PCDH1: variants seen among roughly 807,000 people sequenced by gnomAD.
PCDH1 encodes the protein protocadherin-1.
In PCDH1, 23 loss-of-function variants were observed where a neutral mutation model predicts 74.6. The ratio of observed to expected loss-of-function variants is 0.31; its 90% CI spans 0.22 to 0.44. The LOEUF is 0.44. Ranked by LOEUF, PCDH1 falls within the 20% of genes least tolerant of loss-of-function variation. The pLI, the probability that PCDH1 is intolerant of heterozygous loss-of-function variation, is 1.00. For missense variants in PCDH1, 1,214 were observed against 1,641.4 expected (o/e 0.74, Z 4.50); for synonymous variants, 647 against 686.1 (o/e 0.94, Z 0.89).
chr5:141,866,382 G>A (rs1311188871), intron 2 of PCDH1, among the ~76,000 whole-genome samples: 1 of 152,192 alleles, frequency 6.6e-6, no homozygotes, highest in Non-Finnish European at 1.5e-5. Context: ...ACCCTCCCAC[G>A]CCAACTCCAA....
At chr5:141,873,141 T>C (rs1204317821) in intron 1 of PCDH1, among the ~76,000 whole-genome samples, 1 of 152,132 alleles carries the variant, frequency 6.6e-6, no homozygotes, top group Non-Finnish European at 1.5e-5. Flanking sequence ...TCTTTTTTTT[T>C]TTTGAGACAG....
intron 1 of PCDH1, among the ~76,000 whole-genome samples, chr5:141,872,394 T>C (rs1348306523): frequency 1.3e-5 from 2 of 152,246 alleles, no homozygotes; most frequent in South Asian, 2.1e-4. Flanking sequence ...CAGTCACTGT[T>C]TGCCTCTGTT....
Position 141,863,191 on chromosome 5 carries a change from G to T in PCDH1, c.3099+41C>A. On this transcript the variant is annotated intron_variant, in intron 3 of 4. Transcript: ENST00000287008. The surrounding 1 kb of genome is among the most constrained non-coding windows in gnomAD (Gnocchi z 7.5). Reference sequence around the variant, plus strand: ...CCAGATGGCTCCGTGGTAGGGGTGGGGTAGGGGCTGGGGTGTGCTGAGCTG... The same window carrying T: ...CCAGATGGCTCCGTGGTAGGGGTGGTGTAGGGGCTGGGGTGTGCTGAGCTG... 6.6e-7 allele frequency: 1 copy of T among 1,525,316 alleles called. No homozygotes were observed. The highest frequency in any genetic ancestry group is 2.1e-5 in the Admixed American group (1 of 47,804). 94.5% of individuals were successfully genotyped at this position (1,525,316 alleles called of 1,614,324 possible).
At position 141,865,134 on chromosome 5, in the gene PCDH1, A is replaced by T; in HGVS notation, c.1197T>A (p.Asp399Glu). ...CATCCTCTGAGATGTTAGCCATCCC[A>T]TCTTGATGAGTCACTAGCCCTATGC... is the stretch of plus-strand genomic sequence containing the variant. Reference protein sequence around the residue: ...IRGIGLVTHQDGMANISEDVA... With the variant: ...IRGIGLVTHQEGMANISEDVA... The change falls in exon 3 of 5, where the codon GAT becomes GAA. Residue 399 changes from aspartate (D) to glutamate (E), a missense_variant. By Grantham distance (45) the Asp-to-Glu change is conservative. Coordinates refer to ENST00000287008, the MANE Select transcript of PCDH1 (RefSeq NM_032420.5). The surrounding 1 kb of genome is among the most constrained non-coding windows in gnomAD (Gnocchi z 4.4). 1 of 1,614,062 alleles carries T rather than the reference A, an allele frequency of 6.2e-7. No homozygotes were observed. The highest frequency in any genetic ancestry group is 1.7e-5 in the Admixed American group (1 of 60,002).
At chr5:141,859,358 T>G (rs1456002343) in intron 3 of PCDH1, among the ~76,000 whole-genome samples, 1 of 152,308 alleles carries the variant, frequency 6.6e-6, no homozygotes, top group East Asian at 1.9e-4. Flanking sequence ...TTCCATAAAA[T>G]GGAGGGTTGG....
At chr5:141,860,350 GA>G (rs1197852267) in intron 3 of PCDH1, among the ~76,000 whole-genome samples, 3 of 151,782 alleles carry the variant, frequency 2.0e-5, no homozygotes, top group Admixed American at 6.6e-5. Context: ...TGTCTCTACA[GA>G]AATTACAAAA....
chr5:141,864,569 C>T lies in PCDH1; in HGVS notation c.1762G>A (p.Gly588Ser). The change falls in exon 3 of 5, where the codon GGC becomes AGC. Residue 588 changes from glycine (G) to serine (S), a missense_variant. Transcript: ENST00000287008. The surrounding 1 kb of genome is among the most constrained non-coding windows in gnomAD (Gnocchi z 5.9). ...GCTGTGCCCTGGAGGCTAGGACTGC[C>T]CCGGTCAGCTGCCACCACCTTCAAC... ...YELKVVAADR[G>S]SPSLQGTATV... 6.2e-7 allele frequency: 1 copy of T among 1,613,946 alleles called. No individual in the cohort carries two copies. Among genetic ancestry groups the T allele is most frequent in the East Asian group, 2.2e-5 (1 of 44,874 alleles).
In PCDH1 at chr5:141,878,322, T is replaced by TTCGGGCTCCGGC. The variant is rs1554072868; in HGVS notation, c.-72_-61dup. 3.8e-5 allele frequency: 44 copies of TTCGGGCTCCGGC among 1,167,190 alleles called. No individual in the cohort carries two copies. In the East Asian group the frequency reaches 1.1e-3, roughly 30 times the overall value. The allele number at this position is 1,167,190 out of a possible 1,614,324, so 72.3% of individuals were successfully genotyped here. On this transcript the variant is annotated 5_prime_UTR_variant, in exon 1 of 5. Coordinates refer to ENST00000287008, the MANE Select transcript of PCDH1 (RefSeq NM_032420.5). This position sits in a 1 kb window ranked among gnomAD's most constrained non-coding sequence, Gnocchi z 5.5. ...CGCACGGCTGGGGCTGGAGCTGCAG[T>TTCGGGCTCCGGC]TCGGGCTCCGGCTCCGGCTCCGGCT... is the stretch of plus-strand genomic sequence containing the variant.
In PCDH1 at chr5:141,865,585, T is replaced by G. The variant is rs1230760377; in HGVS notation, c.904-158A>C. 6.6e-6 allele frequency among the ~76,000 whole-genome samples: 1 copy of G among 152,248 alleles called. No individual in the cohort carries two copies. The highest frequency in any genetic ancestry group is 2.4e-5 in the African/African-American group (1 of 41,464). Reference sequence around the variant, plus strand: ...TTCCAGAAGCCATGTGTGTCCTGCCTTTTCCCAATTCGGACATTCTGGCAG... The same window carrying G: ...TTCCAGAAGCCATGTGTGTCCTGCCGTTTCCCAATTCGGACATTCTGGCAG... On this transcript the variant is annotated intron_variant, in intron 2 of 4. Transcript: ENST00000287008. The surrounding 1 kb of genome is among the most constrained non-coding windows in gnomAD (Gnocchi z 4.4).
rs1487694671 is a variant in PCDH1 at position 141,865,179 on chromosome 5, G to T, written c.1152C>A (p.Ala384=). 1 of 1,614,002 alleles carries T rather than the reference G, an allele frequency of 6.2e-7. No homozygotes were observed. Among genetic ancestry groups the T allele is most frequent in the Non-Finnish European group, 8.5e-7 (1 of 1,180,026 alleles). ...VVTVKDMNDN[A]PTIEIRGIGL... ...CTATGCCCCGGATCTCAATGGTGGGGGCATTGTCATTCATGTCCTTCACGG... is the reference window on the plus strand; with the variant it reads ...CTATGCCCCGGATCTCAATGGTGGGTGCATTGTCATTCATGTCCTTCACGG... Residue 384 remains alanine, a synonymous_variant, in exon 3 of 5, where the codon GCC becomes GCA. Coordinates refer to ENST00000287008, the MANE Select transcript of PCDH1 (RefSeq NM_032420.5). The surrounding 1 kb of genome is among the most constrained non-coding windows in gnomAD (Gnocchi z 4.4).
At chr5:141,867,439 T>C in intron 2 of PCDH1, 1 of 367,064 alleles carries the variant, frequency 2.7e-6, no homozygotes, top group Non-Finnish European at 5.3e-6. Flanking sequence ...TGGGCCCGGT[T>C]TCTCATCTGC....
Position 141,868,629 on chromosome 5 carries a change from C to T in PCDH1, c.843G>A (p.Glu281=). ...ATAGTTCGGCCTCATAGGAGGGCCG[C>T]TCAAACTTGGGGGCGTTGTCATTGG... ...LDTNDNAPKF[E]RPSYEAELSE... is the part of the protein sequence containing the mutation. The change falls in exon 2 of 5, where the codon GAG becomes GAA. Residue 281 remains glutamate, a synonymous_variant. Transcript: ENST00000287008. The surrounding 1 kb of genome is among the most constrained non-coding windows in gnomAD (Gnocchi z 4.8). 6.3e-7 allele frequency: 1 copy of T among 1,597,090 alleles called. No individual in the cohort carries two copies. The highest frequency in any genetic ancestry group is 8.5e-7 in the Non-Finnish European group (1 of 1,170,670).
rs760678564 is a variant in PCDH1 at position 141,865,215 on chromosome 5, C to T, written c.1116G>A (p.Gln372=). 5.6e-6 allele frequency: 9 copies of T among 1,614,064 alleles called. No individual in the cohort carries two copies. Among genetic ancestry groups the T allele is most frequent in the Admixed American group, 1.7e-5 (1 of 59,998 alleles). Reference sequence around the variant, plus strand: ...TCATGTCCTTCACGGTCACAACCACCTGGGCACGGGCACTCTTGGGGTTGG... The same window carrying T: ...TCATGTCCTTCACGGTCACAACCACTTGGGCACGGGCACTCTTGGGGTTGG... ...RGTNPKSARA[Q]VVVTVKDMND... Residue 372 remains glutamine (Q), a synonymous_variant, in exon 3 of 5, where the codon CAG becomes CAA. Transcript: ENST00000287008. The surrounding 1 kb of genome is among the most constrained non-coding windows in gnomAD (Gnocchi z 4.4).
rs538122125 is a variant in PCDH1 at position 141,854,174 on chromosome 5, G to A, written c.3582C>T (p.Phe1194=). ...PVRLLPSYSA[F]SHSSHDSCKD... is the part of the protein sequence containing the mutation. ...TGCAGGAATCATGGCTACTGTGGGA[G>A]AAGGCACTGTAGGAGGGCAGGAGGC... The change falls in exon 5 of 5, where the codon TTC becomes TTT. Residue 1194 remains phenylalanine, a synonymous_variant. Transcript: ENST00000287008. 18 of 1,607,440 alleles carry A rather than the reference G, an allele frequency of 1.1e-5. No individual in the cohort carries two copies. In the South Asian group the frequency reaches 1.3e-4, roughly 12 times the overall value.
rs1318028619 is a variant in PCDH1 at position 141,869,092 on chromosome 5, A to T, written c.380T>A (p.Leu127His). Residue 127 changes from leucine to histidine, a missense_variant, in exon 2 of 5, where the codon CTC (leucine) becomes CAC (histidine). By Grantham distance (99) the Leu-to-His change is moderately conservative. Coordinates refer to ENST00000287008, the MANE Select transcript of PCDH1 (RefSeq NM_032420.5). The surrounding 1 kb of genome is among the most constrained non-coding windows in gnomAD (Gnocchi z 4.9). ...REGLRECQNQ[L>H]PGDPCILEFE... ...CTCCAGGATGCAGGGATCACCAGGGAGCTGGTTCTGGCATTCACGGAGCCC... is the reference window on the plus strand; with the variant it reads ...CTCCAGGATGCAGGGATCACCAGGGTGCTGGTTCTGGCATTCACGGAGCCC... 2.5e-6 allele frequency: 4 copies of T among 1,612,202 alleles called. No homozygotes were observed. The highest frequency in any genetic ancestry group is 3.4e-6 in the Non-Finnish European group (4 of 1,179,828).
chr5:141,856,932 C>T (rs938620461), intron 4 of PCDH1, among the ~76,000 whole-genome samples: 3 of 152,130 alleles, frequency 2.0e-5, no homozygotes, highest in Non-Finnish European at 4.4e-5. Flanking sequence ...AACATGGTGC[C>T]GAATGCAACA....
At chr5:141,870,360 G>A (rs1476532245) in intron 1 of PCDH1, among the ~76,000 whole-genome samples, 1 of 152,198 alleles carries the variant, frequency 6.6e-6, no homozygotes, top group African/African-American at 2.4e-5. Flanking sequence ...CCATGGGCAG[G>A]TGCGTACAAG....
At chr5:141,855,882 G>A (rs1596543857) in intron 4 of PCDH1, among the ~76,000 whole-genome samples, 1 of 152,072 alleles carries the variant, frequency 6.6e-6, no homozygotes, top group African/African-American at 2.4e-5. Flanking sequence ...CCATGGGAAC[G>A]GCTGGGCCAT....
Position 141,866,977 on chromosome 5 carries a change from G to A in PCDH1, c.904-1550C>T, listed in dbSNP as rs563124740. On this transcript the variant is annotated intron_variant, in intron 2 of 4. Coordinates refer to ENST00000287008, the MANE Select transcript of PCDH1 (RefSeq NM_032420.5). ...TCCCCGCCTGGGCTTTTCCTACAGTGAAGACTCCTGGGCAATGGTTCCCCA... is the reference window on the plus strand; with the variant it reads ...TCCCCGCCTGGGCTTTTCCTACAGTAAAGACTCCTGGGCAATGGTTCCCCA... 3.9e-5 allele frequency among the ~76,000 whole-genome samples: 6 copies of A among 152,258 alleles called. No individual in the cohort carries two copies. In the South Asian group the frequency reaches 1.2e-3, roughly 32 times the overall value.
Sources: allele counts gnomAD v4.1 joint callset (sites outside exome capture counted in the v4.1 genomes callset), GRCh38; gene constraint gnomAD v4.1.1; non-coding constraint Gnocchi (gnomAD v3.1); transcripts MANE v1.5; gene names NCBI Gene and HGNC (gene_info 2026-07-23, HGNC 2026-07-21).